The following MAD2L2 variants were observed in gnomAD, a reference collection of about 807,000 sequenced individuals.
The protein encoded by MAD2L2 is mitotic arrest deficient 2 like 2.
In MAD2L2, 17 loss-of-function variants were observed where a neutral mutation model predicts 30.5. That is an observed-to-expected ratio of 0.56 (90% CI 0.38 to 0.84). The LOEUF is 0.84. MAD2L2 is among the 40% of genes least tolerant of loss of function. MAD2L2 has a pLI of 0.00. For synonymous variants in MAD2L2, 101 were observed against 113.9 expected (o/e 0.89, Z 0.72); for missense variants, 213 against 277.4 (o/e 0.77, Z 1.65).
chr1:11,677,439 C>G (rs1640789034), intron 4 of MAD2L2, 104 bp downstream of exon 4: 1 of 1,121,568 alleles, frequency 8.9e-7, no homozygotes, highest in South Asian at 1.2e-5. Flanking sequence ...CCATGAAGAC[C>G]CCACAGAGTC....
chr1:11,677,895 T>C (rs1258824355), intron 3 of MAD2L2, among the ~76,000 whole-genome samples: 1 of 150,950 alleles, frequency 6.6e-6, no homozygotes, highest in Non-Finnish European at 1.5e-5. Context: ...CCATCTCTAC[T>C]AAAAATACAA....
chr1:11,680,406 C>A lies in MAD2L2; in HGVS notation c.106G>T (p.Val36Phe). ...AVHLILYVRE[V>F]YPVGIFQKRK... ...TTCTGGAAGATGCCCACGGGGTAGA[C>A]CTCGCGCACGTAGAGGATGAGATGC... Residue 36 changes from valine to phenylalanine, a missense_variant, in exon 3 of 9, where the codon GTC becomes TTC. By Grantham distance (50) the Val-to-Phe change is conservative. Coordinates refer to ENST00000376692, the MANE Select transcript of MAD2L2 (RefSeq NM_006341.4). The A allele has an allele frequency of 6.2e-7, 1 of 1,613,872 alleles. No individual in the cohort carries two copies. The highest frequency in any genetic ancestry group is 8.5e-7 in the Non-Finnish European group (1 of 1,179,928).
rs775202164 is a variant in MAD2L2, at chr1:11,680,504, A to G, written c.41-33T>C. 4 of 1,611,252 alleles carry G rather than the reference A, an allele frequency of 2.5e-6. No homozygotes were observed. The African/African-American group carries it at 5.3e-5, about 22-fold the overall frequency. On this transcript the variant is annotated intron_variant, in intron 2 of 8. Transcript: ENST00000376692. ...GGGGCACAAGCCGGTGGCGCGCTCG[A>G]GGAAGCCCGCCGGCCCAGACGCCCC...
rs112185523 is a variant in MAD2L2 at position 11,687,451 on chromosome 1, G to T, written c.-692+3962C>A. ...CATGAGGTTTTGCCATATTGGCCAGGCTGGTCTCGAACTCCTGACCTCAGG... is the reference window on the plus strand; with the variant it reads ...CATGAGGTTTTGCCATATTGGCCAGTCTGGTCTCGAACTCCTGACCTCAGG... On this transcript the variant is annotated intron_variant, in intron 1 of 10. Coordinates refer to the MAD2L2 transcript ENST00000235310. The surrounding 1 kb of genome is among the most constrained non-coding windows in gnomAD (Gnocchi z 4.1). 8.0e-4 allele frequency among the ~76,000 whole-genome samples: 122 copies of T among 152,302 alleles called. No homozygotes were observed. Among genetic ancestry groups the T allele is most frequent in the African/African-American group, 2.9e-3 (119 of 41,572 alleles).
chr1:11,678,322 A>AATC (rs1570287310), intron 3 of MAD2L2, among the ~76,000 whole-genome samples: 3 of 151,916 alleles, frequency 2.0e-5, no homozygotes, highest in African/African-American at 4.8e-5. Context: ...GAGGCAGGAG[A>AATC]ATCACTTGAA....
In MAD2L2 at chr1:11,676,871, G is replaced by A; in HGVS notation, c.309C>T (p.Thr103=). Residue 103 remains threonine, a synonymous_variant, in exon 5 of 9, where the codon ACC becomes ACT. Transcript: ENST00000376692. ...ACCTGATGGACAGCAGTGGAGGCTG[G>A]GTGATCTCAAAGACGAATTTCTCCA... is the stretch of plus-strand genomic sequence containing the variant. ...RPVEKFVFEI[T]QPPLLSISSD... is the part of the protein sequence containing the mutation. The A allele has an allele frequency of 1.2e-6, 2 of 1,614,054 alleles. No individual in the cohort carries two copies. Among genetic ancestry groups the A allele is most frequent in the Non-Finnish European group, 1.7e-6 (2 of 1,179,952 alleles).
upstream of MAD2L2, among the ~76,000 whole-genome samples, chr1:11,684,147 T>A (rs966999971): frequency 4.0e-5 from 6 of 151,380 alleles, no homozygotes; most frequent in Non-Finnish European, 8.8e-5. Context: ...TCCCTAAACC[T>A]CTGATGGCCT....
At position 11,676,035 on chromosome 1, in the gene MAD2L2, A is replaced by G; in HGVS notation, c.427+11T>C. ...AATGCCAAGGGAAGAGAGGGTGGGG[A>G]GTGGACACACCTGGGGGGTTGTGGT... On this transcript the variant is annotated intron_variant, in intron 6 of 8. Transcript: ENST00000376692. The G allele has an allele frequency of 6.2e-7, 1 of 1,609,202 alleles. No individual in the cohort carries two copies. The highest frequency in any genetic ancestry group is 8.5e-7 in the Non-Finnish European group (1 of 1,175,902).
At chr1:11,679,538 T>A (rs2100710943) in intron 3 of MAD2L2, among the ~76,000 whole-genome samples, 1 of 151,228 alleles carries the variant, frequency 6.6e-6, no homozygotes, top group South Asian at 2.1e-4. Flanking sequence ...GGTAACTTTT[T>A]TTTTTGGAGA....
At chr1:11,677,243 A>G (rs1039051672) in intron 4 of MAD2L2, 63 of 597,388 alleles carry the variant, frequency 1.1e-4, no homozygotes, top group African/African-American at 8.2e-4. Flanking sequence ...CAGAACGTTT[A>G]GCGTGGAGAA....
upstream of MAD2L2, among the ~76,000 whole-genome samples, chr1:11,682,438 C>G (rs930051661): frequency 6.6e-6 from 1 of 150,714 alleles, no homozygotes; most frequent in Non-Finnish European, 1.5e-5. Flanking sequence ...TTATAGAAGA[C>G]CTGGATCCCT....
upstream of MAD2L2, chr1:11,681,177 G>A (rs2100713681): frequency 6.6e-6 from 1 of 152,300 alleles, no homozygotes; most frequent in Non-Finnish European, 1.5e-5. Context: ...GTGGGTCCTA[G>A]CGCCCGCCCC....
intron 1 of MAD2L2, 157 bp from the exon 2 acceptor site, chr1:11,680,770 C>G (rs371001006): frequency 5.2e-6 from 7 of 1,355,086 alleles, no homozygotes; most frequent in Admixed American, 7.1e-5. Flanking sequence ...CCTCCACCCC[C>G]ACGCTGGCGT....
rs774197176 is a variant in MAD2L2 at position 11,675,180 on chromosome 1, G to GAGGA, written c.502-10_502-7dup. On this transcript the variant is annotated splice_region_variant and splice_polypyrimidine_tract_variant and intron_variant, in intron 7 of 8. Coordinates refer to ENST00000376692, the MANE Select transcript of MAD2L2 (RefSeq NM_006341.4). ...GCCAGGATCCAGGGGAAATCCTAGG[G>GAGGA]AGGAGACAAAGGTCAGGGGGGTGAC... The GAGGA allele has an allele frequency of 3.8e-6, 6 of 1,584,406 alleles. No homozygotes were observed. The South Asian group carries it at 6.9e-5, about 18-fold the overall frequency.
chr1:11,681,265 G>C (rs28924095), upstream of MAD2L2: 1 of 152,210 alleles, frequency 6.6e-6, no homozygotes, highest in African/African-American at 2.4e-5. Flanking sequence ...GCGGGTCTCC[G>C]AGGGGCGGGG....
intron 5 of MAD2L2, 26 bp downstream of exon 5, chr1:11,676,822 G>A: frequency 1.9e-6 from 3 of 1,589,280 alleles, no homozygotes; most frequent in East Asian, 2.2e-5. Context: ...ATGCCAGCTA[G>A]TGGGCGAGGG....
At position 11,690,746 on chromosome 1, in the gene MAD2L2, G is replaced by C. The variant is rs1179451394; in HGVS notation, c.-692+667C>G. On this transcript the variant is annotated intron_variant, in intron 1 of 10. Coordinates refer to the MAD2L2 transcript ENST00000235310. This position sits in a 1 kb window ranked among gnomAD's most constrained non-coding sequence, Gnocchi z 4.2. ...CGTCCGTGGCCCCACCGACCCCGTC[G>C]TGAGTTATGGGAGGCACGGGACCCA... Among the ~76,000 whole-genome samples, 1 of 152,114 alleles carries C rather than the reference G, an allele frequency of 6.6e-6. No individual in the cohort carries two copies. The highest frequency in any genetic ancestry group is 1.5e-5 in the Non-Finnish European group (1 of 68,004).
intron 1 of MAD2L2, 161 bp from the exon 2 acceptor site, chr1:11,680,774 C>G (rs1640861393): frequency 1.5e-6 from 2 of 1,359,648 alleles, no homozygotes; most frequent in South Asian, 3.7e-5. Context: ...CACCCCCACG[C>G]TGGCGTCCGT....
intron 3 of MAD2L2, 90 bp from the exon 4 acceptor site, chr1:11,677,704 T>A (rs1640795182): frequency 1.9e-6 from 2 of 1,077,230 alleles, no homozygotes; most frequent in African/African-American, 3.1e-5. Flanking sequence ...CCATCTGCCT[T>A]CGGTCCGAGG....
Sources: gnomAD v4.1 joint callset for allele counts (sites outside exome capture counted in the v4.1 genomes callset) on GRCh38, gnomAD v4.1.1 for gene constraint, Gnocchi (gnomAD v3.1) non-coding constraint, MANE v1.5 for transcripts, NCBI Gene and HGNC (gene_info 2026-07-23, HGNC 2026-07-21) for gene names.